Variants in HP1BP3 observed in about 807,000 individuals in gnomAD.
The protein encoded by HP1BP3 is heterochromatin protein 1-binding protein 3.
A neutral mutation model predicts 62.5 loss-of-function variants in HP1BP3; 12 were observed. The observed-to-expected ratio is 0.19, with a 90% CI of 0.12 to 0.31. The LOEUF is 0.31. Ranked by LOEUF, HP1BP3 falls within the 10% of genes least tolerant of loss-of-function variation. The pLI, the probability that HP1BP3 is intolerant of heterozygous loss-of-function variation, is 1.00. For synonymous variants in HP1BP3, 260 were observed against 237.8 expected (o/e 1.09, Z -0.86); for missense variants, 502 against 651.8 (o/e 0.77, Z 2.50).
chr1:20,786,334 C>G (rs1295312149), intron 1 of HP1BP3: 1 of 152,340 alleles, frequency 6.6e-6, no homozygotes, highest in Non-Finnish European at 1.5e-5. Context: ...GAGCGAGACT[C>G]AAGGCCGCCG....
In HP1BP3 at chr1:20,782,414, T is replaced by TA. The variant is rs1002776442; in HGVS notation, c.-100-1875dup. Among the ~76,000 whole-genome samples, 114 of 143,668 alleles carry TA rather than the reference T, an allele frequency of 7.9e-4. 1 individual carries two copies. Among genetic ancestry groups the TA allele is most frequent in the African/African-American group, 1.0e-3 (41 of 39,218 alleles). The allele number at this position is 143,668 out of a possible 152,430, so 94.3% of individuals were successfully genotyped here. On this transcript the variant is annotated intron_variant, in intron 1 of 12. Coordinates refer to ENST00000438032, the MANE Select transcript of HP1BP3 (RefSeq NM_001372052.1). Reference sequence around the variant, plus strand: ...GCCTGGGCAATACAGACGTTGTCTCTAAAAAAAAAAAATTAAAAATCAGCT... The same window carrying TA: ...GCCTGGGCAATACAGACGTTGTCTCTAAAAAAAAAAAAATTAAAAATCAGCT...
chr1:20,749,376 GATAC>G (rs1413451623), intron 10 of HP1BP3, among the ~76,000 whole-genome samples: 5 of 84,848 alleles, frequency 5.9e-5, no homozygotes, highest in Admixed American at 3.6e-4. Flanking sequence ...CTTTTTTTTT[GATAC>G]ATAGTCTCGC....
At chr1:20,765,964 C>CAAA (rs34214380) in intron 7 of HP1BP3, among the ~76,000 whole-genome samples, 3 of 69,642 alleles carry the variant, frequency 4.3e-5, no homozygotes, top group Non-Finnish European at 5.7e-5. Context: ...GACTCCGTCT[C>CAAA]AAAAAAAAAA....
At chr1:20,776,469 T>A (rs2057309287) in intron 4 of HP1BP3, 128 bp downstream of exon 4, 1 of 801,712 alleles carries the variant, frequency 1.2e-6, no homozygotes. Flanking sequence ...CAAATGGTAA[T>A]TCTAAAAATT....
chr1:20,775,871 C>A lies in HP1BP3; in HGVS notation c.350+726G>T, dbSNP rs930367013. The A allele has an allele frequency of 6.3e-6, 8 of 1,271,016 alleles. No individual in the cohort carries two copies. In the Admixed American group the frequency reaches 1.7e-4, roughly 27 times the overall value. The allele number at this position is 1,271,016 out of a possible 1,614,324, so 78.7% of individuals were successfully genotyped here. On this transcript the variant is annotated intron_variant, in intron 4 of 12. Coordinates refer to ENST00000438032, the MANE Select transcript of HP1BP3 (RefSeq NM_001372052.1). ...GTAAGTACACTTTATGATGTTGGCA[C>A]GATGATGAAATCGCCTAAAGATGTA...
intron 11 of HP1BP3, among the ~76,000 whole-genome samples, chr1:20,747,217 T>A (rs2055393620): frequency 6.6e-6 from 1 of 152,206 alleles, no homozygotes. Flanking sequence ...AATACAGTTG[T>A]CCCTTGAACA....
intron 8 of HP1BP3, among the ~76,000 whole-genome samples, chr1:20,760,607 C>T (rs915728804): frequency 7.3e-5 from 11 of 151,210 alleles, no homozygotes; most frequent in Non-Finnish European, 1.6e-4. Context: ...TAGGCCAAGG[C>T]GGTCAGATCA....
At chr1:20,750,903 G>A (rs1195200494) in intron 9 of HP1BP3, among the ~76,000 whole-genome samples, 2 of 143,256 alleles carry the variant, frequency 1.4e-5, no homozygotes, top group African/African-American at 2.6e-5. Context: ...CTGCAACCTC[G>A]GTCTCCTGGG....
intron 3 of HP1BP3, among the ~76,000 whole-genome samples, chr1:20,778,157 A>ACATTT (rs2057384506): frequency 1.2e-4 from 2 of 16,896 alleles, no homozygotes; most frequent in Non-Finnish European, 3.3e-4. Context: ...TAAGACTTAT[A>ACATTT]AATTTACATT....
Position 20,746,198 on chromosome 1 carries a change from G to A in HP1BP3, c.1254-542C>T, listed in dbSNP as rs890314974. On this transcript the variant is annotated intron_variant, in intron 11 of 12. Coordinates refer to ENST00000438032, the MANE Select transcript of HP1BP3 (RefSeq NM_001372052.1). ...CATACATACATATATGTGTGTGTGT[G>A]TGTGTGTGTGTGTGTGTGTGTGTGT... Among the ~76,000 whole-genome samples the A allele has an allele frequency of 4.7e-4, 71 of 149,644 alleles. 1 individual carries two copies. Among genetic ancestry groups the A allele is most frequent in the East Asian group, 5.8e-4 (3 of 5,166 alleles).
At chr1:20,779,422 G>A (rs1000934702) in intron 3 of HP1BP3, among the ~76,000 whole-genome samples, 11 of 151,972 alleles carry the variant, frequency 7.2e-5, no homozygotes, top group African/African-American at 2.7e-4. Context: ...TTGCTTCTCT[G>A]AAGGCCTCCA....
intron 9 of HP1BP3, among the ~76,000 whole-genome samples, chr1:20,756,037 G>A (rs2056086679): frequency 6.6e-6 from 1 of 152,066 alleles, no homozygotes; most frequent in Admixed American, 6.5e-5. Context: ...ATCTTTTTTG[G>A]GTGACAGAAA....
At chr1:20,785,511 GC>G (rs2057780822) in intron 1 of HP1BP3, among the ~76,000 whole-genome samples, 1 of 152,114 alleles carries the variant, frequency 6.6e-6, no homozygotes, top group African/African-American at 2.4e-5. Flanking sequence ...GTCACAAAAA[GC>G]ATGCCTGTAA....
intron 8 of HP1BP3, among the ~76,000 whole-genome samples, chr1:20,763,571 T>TA: frequency 6.6e-6 from 1 of 152,326 alleles, no homozygotes; most frequent in East Asian, 1.9e-4. Flanking sequence ...TTCAATATGG[T>TA]AGTCTTCTGT....
At chr1:20,746,186 A>ATATGTGTGTGTGTGTGTGTGTG (rs1286650893) in intron 11 of HP1BP3, among the ~76,000 whole-genome samples, 239 of 143,226 alleles carry the variant, frequency 1.7e-3, no homozygotes, top group African/African-American at 6.1e-3. Flanking sequence ...ACATACATAT[A>ATATGTGTGTGTGTGTGTGTGTG]TGTGTGTGTG....
At chr1:20,764,114 T>C (rs1474074101) in intron 8 of HP1BP3, among the ~76,000 whole-genome samples, 2 of 152,212 alleles carry the variant, frequency 1.3e-5, no homozygotes, top group African/African-American at 4.8e-5. Flanking sequence ...GTGTAAAGTA[T>C]TTCTATAATA....
At position 20,747,605 on chromosome 1, in the gene HP1BP3, C is replaced by T; in HGVS notation, c.1192G>A (p.Glu398Lys). Residue 398 changes from glutamate to lysine, a missense_variant, in exon 11 of 13, where the codon GAA (glutamate) becomes AAA (lysine). Around this residue, in one of 5 missense-constraint regions of HP1BP3, gnomAD observed 194 missense variants for 207.0 expected, o/e 0.94. Transcript: ENST00000438032. Reference protein sequence around the residue: ...LQKCEKNGWMEQISGKGFSGT... With the variant: ...LQKCEKNGWMKQISGKGFSGT... Reference sequence around the variant, plus strand: ...CTGAACCCTTTCCCAGAGATCTGTTCCATCCACCCATTCTTTTCGCATTTC... The same window carrying T: ...CTGAACCCTTTCCCAGAGATCTGTTTCATCCACCCATTCTTTTCGCATTTC... 1 of 1,613,606 alleles carries T rather than the reference C, an allele frequency of 6.2e-7. No individual in the cohort carries two copies. The highest frequency in any genetic ancestry group is 8.5e-7 in the Non-Finnish European group (1 of 1,179,842).
At chr1:20,786,549 G>A (rs2057844451) in intron 1 of HP1BP3, 1 of 152,208 alleles carries the variant, frequency 6.6e-6, no homozygotes, top group South Asian at 2.1e-4. Flanking sequence ...GGCTCGGCGC[G>A]GTGACAGTTC....
chr1:20,745,190 G>T, intron 12 of HP1BP3, 99 bp from the exon 13 acceptor site: 1 of 1,321,800 alleles, frequency 7.6e-7, no homozygotes, highest in Non-Finnish European at 1.0e-6. Context: ...CATATGAAGT[G>T]GTCACTTACG....
Sources: allele counts gnomAD v4.1 joint callset (sites outside exome capture counted in the v4.1 genomes callset), GRCh38; gene constraint gnomAD v4.1.1; regional missense constraint gnomAD v4.1.1; transcripts MANE v1.5; gene names NCBI Gene and HGNC (gene_info 2026-07-23, HGNC 2026-07-21).